Variants in THADA observed in about 807,000 individuals in gnomAD.
The protein encoded by THADA is THADA armadillo repeat containing.
In THADA, 213 loss-of-function variants were observed where a neutral mutation model predicts 219.8. The observed-to-expected ratio is 0.97, with a 90% CI of 0.87 to 1.09. The LOEUF is 1.09. THADA is among the 50% of genes least tolerant of loss of function. The pLI is 0.00. For synonymous variants in THADA, 1,018 were observed against 828.9 expected, an observed-to-expected ratio of 1.23 and a Z score of -3.92; for missense variants, 2,956 against 2,311.3, an observed-to-expected ratio of 1.28 and a Z score of -5.72.
At chr2:43,438,681 AAG>A (rs1039588430) in intron 26 of THADA, among the ~76,000 whole-genome samples, 4 of 152,310 alleles carry the variant, frequency 2.6e-5, no homozygotes, top group Admixed American at 6.5e-5. Flanking sequence ...CACCTAGCTA[AAG>A]AAGTGGAACA....
At chr2:43,313,350 G>C (rs1247524784) in intron 31 of THADA, among the ~76,000 whole-genome samples, 2 of 152,182 alleles carry the variant, frequency 1.3e-5, no homozygotes, top group Non-Finnish European at 2.9e-5. Context: ...ACTTGCACAA[G>C]CTGGTCACTT....
At position 43,551,811 on chromosome 2, in the gene THADA, G is replaced by A. The variant is rs1696782923; in HGVS notation, c.2925C>T (p.Leu975=). The change falls in exon 19 of 38, where the codon CTC becomes CTT. Residue 975 remains leucine, a synonymous_variant. Transcript: ENST00000405975. ...PVIQSSSPEG[L]IPMDTDSESA... is the part of the protein sequence containing the mutation. ...AACCTGAATCAGTGTCCATTGGGAT[G>A]AGGCCTTCAGGGGATGAGCTCTGAA... The A allele has an allele frequency of 6.2e-7, 1 of 1,613,712 alleles. No homozygotes were observed.
At chr2:43,371,178 T>C (rs1670759043) in intron 29 of THADA, among the ~76,000 whole-genome samples, 1 of 152,210 alleles carries the variant, frequency 6.6e-6, no homozygotes, top group Non-Finnish European at 1.5e-5. Flanking sequence ...CTTCAGTCCT[T>C]GGGGAACCTT....
chr2:43,233,566 C>T (rs1667688493), intron 36 of THADA, among the ~76,000 whole-genome samples: 1 of 152,124 alleles, frequency 6.6e-6, no homozygotes, highest in South Asian at 2.1e-4. Flanking sequence ...CTGCATTTGG[C>T]TCCTATTTTG....
At chr2:43,572,232 T>A (rs112590787) in intron 12 of THADA, among the ~76,000 whole-genome samples, 91 of 152,330 alleles carry the variant, frequency 6.0e-4, no homozygotes, top group Non-Finnish European at 1.1e-3. Context: ...CTCTGGAAAC[T>A]CACGTTTCCA....
Position 43,541,272 on chromosome 2 carries a change from C to A in THADA, c.3151G>T (p.Val1051Leu). Residue 1051 changes from valine (V) to leucine (L), a missense_variant, in exon 21 of 38, where the codon GTA (valine) becomes TTA (leucine). Transcript: ENST00000405975. ...TCDVTAQMVLVCCWRSMKEVA... is the reference protein window; with the variant it reads ...TCDVTAQMVLLCCWRSMKEVA... Reference sequence around the variant, plus strand: ...TCCTTCATACTTCTCCAACAACATACCAGCACCATCTGCGCAGTTACATCA... The same window carrying A: ...TCCTTCATACTTCTCCAACAACATAACAGCACCATCTGCGCAGTTACATCA... The A allele has an allele frequency of 6.2e-7, 1 of 1,613,328 alleles. No homozygotes were observed. Among genetic ancestry groups the A allele is most frequent in the Non-Finnish European group, 8.5e-7 (1 of 1,179,612 alleles).
chr2:43,569,168 G>T (rs115503438), intron 14 of THADA, among the ~76,000 whole-genome samples: 4,003 of 151,970 alleles, frequency 0.026, 118 homozygotes, highest in African/African-American at 0.075. Context: ...ATAGAGATGG[G>T]GTCTTGCTAT....
intron 28 of THADA, among the ~76,000 whole-genome samples, chr2:43,427,686 G>A (rs929976935): frequency 6.7e-5 from 10 of 149,482 alleles, no homozygotes; most frequent in African/African-American, 2.2e-4. Flanking sequence ...GCCGGGCGCG[G>A]TGGCTCATGC....
intron 29 of THADA, among the ~76,000 whole-genome samples, chr2:43,359,672 T>G (rs1669273641): frequency 6.6e-6 from 1 of 152,190 alleles, no homozygotes; most frequent in Non-Finnish European, 1.5e-5. Context: ...GGAGCAAGAC[T>G]AAAAACAAAC....
At chr2:43,540,660 C>T (rs1574154855) in intron 21 of THADA, among the ~76,000 whole-genome samples, 2 of 152,170 alleles carry the variant, frequency 1.3e-5, no homozygotes, top group Non-Finnish European at 2.9e-5. Context: ...AAACACCGCA[C>T]TCAAGTCACT....
intron 20 of THADA, among the ~76,000 whole-genome samples, chr2:43,543,031 C>A (rs1221495451): frequency 5.6e-5 from 7 of 125,870 alleles, no homozygotes; most frequent in Non-Finnish European, 8.3e-5. Context: ...CCCCTCCCCC[C>A]ACCCCACAAC....
intron 31 of THADA, among the ~76,000 whole-genome samples, chr2:43,304,822 C>A (rs1263448330): frequency 1.3e-5 from 2 of 152,246 alleles, no homozygotes; most frequent in Non-Finnish European, 2.9e-5. Flanking sequence ...CAGGCGCCAG[C>A]CATCAAGCCT....
At position 43,438,467 on chromosome 2, in the gene THADA, G is replaced by A. The variant is rs528866312; in HGVS notation, c.3837-8165C>T. Among the ~76,000 whole-genome samples the A allele has an allele frequency of 1.0e-3, 155 of 152,228 alleles. 1 individual carries two copies. Among genetic ancestry groups the A allele is most frequent in the African/African-American group, 3.7e-3 (152 of 41,530 alleles). ...AAAATAATTTAGGATTTTCTTGAAA[G>A]TCAGAGATGTGTTTACCTAGTGACT... On this transcript the variant is annotated intron_variant, in intron 26 of 37. Coordinates refer to ENST00000405975, the MANE Select transcript of THADA (RefSeq NM_022065.5).
At chr2:43,562,834 T>G (rs556835363) in intron 15 of THADA, 4 of 152,346 alleles carry the variant, frequency 2.6e-5, no homozygotes, top group Admixed American at 2.6e-4. Context: ...CCATTTCATG[T>G]AGGTTATCTA....
intron 26 of THADA, among the ~76,000 whole-genome samples, chr2:43,465,937 C>A (rs1684175810): frequency 6.6e-6 from 1 of 152,206 alleles, no homozygotes; most frequent in African/African-American, 2.4e-5. Context: ...CACCATGAGC[C>A]CCAGAATCTG....
intron 26 of THADA, among the ~76,000 whole-genome samples, chr2:43,437,297 C>T (rs1192070788): frequency 6.6e-6 from 1 of 152,166 alleles, no homozygotes; most frequent in Non-Finnish European, 1.5e-5. Context: ...ATCACTAATA[C>T]ATTCTGCTGT....
At chr2:43,426,158 T>C (rs758508445) in intron 28 of THADA, among the ~76,000 whole-genome samples, 21 of 152,248 alleles carry the variant, frequency 1.4e-4, no homozygotes, top group Admixed American at 6.5e-5. Flanking sequence ...AATGCAATCT[T>C]TGTTTTATAT....
intron 30 of THADA, among the ~76,000 whole-genome samples, chr2:43,320,907 A>G (rs1422908589): frequency 6.6e-6 from 1 of 152,070 alleles, no homozygotes; most frequent in East Asian, 1.9e-4. Context: ...TTAAGTATAG[A>G]AATTTGGGGG....
At chr2:43,572,675 T>C in intron 12 of THADA, 139 bp downstream of exon 12, 1 of 647,878 alleles carries the variant, frequency 1.5e-6, no homozygotes, top group Non-Finnish European at 2.4e-6. Flanking sequence ...AAAGTTTAGT[T>C]GGGAGACTAG....
Sources: allele counts gnomAD v4.1 joint callset (sites outside exome capture counted in the v4.1 genomes callset), GRCh38; gene constraint gnomAD v4.1.1; transcripts MANE v1.5; gene names NCBI Gene and HGNC (gene_info 2026-07-23, HGNC 2026-07-21).